RRN3: variants seen among roughly 807,000 people sequenced by gnomAD.
RRN3 encodes the protein RNA polymerase I transcription factor RRN3, also known as RNA polymerase I-specific transcription initiation factor RRN3.
RRN3 carries 38 observed loss-of-function variants against 82.3 expected under a neutral mutation model. That is an observed-to-expected ratio of 0.46 (90% CI 0.36 to 0.61). The LOEUF (loss-of-function observed/expected upper bound fraction) is 0.61, where lower values mean the gene tolerates loss of function less well. Ranked by LOEUF, RRN3 falls within the 20% of genes least tolerant of loss-of-function variation. The pLI is 0.00. For synonymous variants in RRN3, 284 were observed against 284.3 expected, an observed-to-expected ratio of 1.00 and a Z score of 0.01; for missense variants, 726 against 793.1, an observed-to-expected ratio of 0.92 and a Z score of 1.02.
chr16:15,074,621 T>G (rs1309461590), intron 11 of RRN3, 102 bp downstream of exon 11: 10 of 819,260 alleles, frequency 1.2e-5, no homozygotes, highest in Non-Finnish European at 1.8e-5. Flanking sequence ...ATAGATATTT[T>G]TACAGGATTT....
At chr16:15,081,086 A>G (rs919962168) in intron 8 of RRN3, among the ~76,000 whole-genome samples, 1 of 152,200 alleles carries the variant, frequency 6.6e-6, no homozygotes, top group Admixed American at 6.5e-5. Flanking sequence ...GCTGAGTAAT[A>G]TTCCATTGTA....
At chr16:15,080,402 A>G (rs973995734) in intron 8 of RRN3, among the ~76,000 whole-genome samples, 1 of 152,204 alleles carries the variant, frequency 6.6e-6, no homozygotes. Flanking sequence ...TAATATATTC[A>G]GTTATGAGAC....
At chr16:15,086,554 G>A (rs2045923670) in intron 3 of RRN3, 100 bp from the exon 4 acceptor site, 1 of 1,531,898 alleles carries the variant, frequency 6.5e-7, no homozygotes, top group African/African-American at 1.4e-5. Context: ...ATAGGTTGGG[G>A]GGAAAAGGTC....
intron 15 of RRN3, among the ~76,000 whole-genome samples, chr16:15,066,769 A>T (rs1331076186): frequency 2.6e-5 from 4 of 151,594 alleles, no homozygotes; most frequent in African/African-American, 9.7e-5. Flanking sequence ...TCTCAAAAGC[A>T]TCAAGCAGGC....
chr16:15,076,087 C>A (rs1322029924), intron 10 of RRN3, among the ~76,000 whole-genome samples: 2 of 152,104 alleles, frequency 1.3e-5, no homozygotes, highest in Admixed American at 1.3e-4. Flanking sequence ...AAGTGAGACC[C>A]GGCCCCCGTT....
chr16:15,065,881 T>A (rs1353246158), intron 15 of RRN3, among the ~76,000 whole-genome samples: 1 of 152,204 alleles, frequency 6.6e-6, no homozygotes, highest in African/African-American at 2.4e-5. Flanking sequence ...CGGGGTTGAC[T>A]AAGTCATGAC....
In RRN3 at chr16:15,070,240, C is replaced by T. The variant is rs2045163832; in HGVS notation, c.1274G>A (p.Cys425Tyr). The T allele has an allele frequency of 6.2e-7, 1 of 1,611,182 alleles. No individual in the cohort carries two copies. Among genetic ancestry groups the T allele is most frequent in the Non-Finnish European group, 8.5e-7 (1 of 1,179,772 alleles). Residue 425 changes from cysteine (C) to tyrosine (Y), a missense_variant, in exon 14 of 18, where the codon TGC becomes TAC. Transcript: ENST00000198767. ...CAGCCAGTTAACCAAAAGATCTAGG[C>T]ATGATTTTACAGTACTAGAGAAAAG... Reference protein sequence around the residue: ...KFIPLITVKSCLDLLVNWLHI... With the variant: ...KFIPLITVKSYLDLLVNWLHI...
At chr16:15,074,995 A>G in intron 10 of RRN3, 134 bp from the exon 11 acceptor site, 1 of 879,476 alleles carries the variant, frequency 1.1e-6, no homozygotes, top group Non-Finnish European at 1.7e-6. Context: ...CACATCTATA[A>G]GCCCAGCACT....
chr16:15,074,938 G>C (rs2045388185), intron 10 of RRN3, 77 bp from the exon 11 acceptor site: 1 of 1,370,750 alleles, frequency 7.3e-7, no homozygotes, highest in South Asian at 1.4e-5. Flanking sequence ...TGTCATAAGT[G>C]ATTATTTCCC....
At chr16:15,063,807 G>A (rs1318044847) in intron 16 of RRN3, among the ~76,000 whole-genome samples, 4 of 151,656 alleles carry the variant, frequency 2.6e-5, no homozygotes, top group Non-Finnish European at 5.9e-5. Context: ...ATTCACTCAT[G>A]TCGATGGAGT....
chr16:15,073,730 T>C lies in RRN3; in HGVS notation c.998-650A>G, dbSNP rs139913523. Among the ~76,000 whole-genome samples, 57 of 152,340 alleles carry C rather than the reference T, an allele frequency of 3.7e-4. 1 individual carries two copies. In the East Asian group the frequency reaches 0.011, roughly 28 times the overall value. On this transcript the variant is annotated intron_variant, in intron 11 of 17. Coordinates refer to ENST00000198767, the MANE Select transcript of RRN3 (RefSeq NM_018427.5). Reference sequence around the variant, plus strand: ...GTATGTTCATTATAACTGTTACTTATCATGGTGAAAACAGTAAAAGACAGT... The same window carrying C: ...GTATGTTCATTATAACTGTTACTTACCATGGTGAAAACAGTAAAAGACAGT...
intron 13 of RRN3, among the ~76,000 whole-genome samples, 178 bp from the exon 14 acceptor site, chr16:15,070,432 G>A (rs9930661): frequency 0.014 from 2,121 of 151,732 alleles, 40 homozygotes; most frequent in African/African-American, 0.048. Flanking sequence ...GGGTGCGTAG[G>A]AAGACAACCT....
intron 10 of RRN3, among the ~76,000 whole-genome samples, chr16:15,075,250 CAAAAAAA>C (rs56913254): frequency 2.9e-5 from 2 of 68,052 alleles, no homozygotes; most frequent in Non-Finnish European, 6.0e-5. Context: ...TGTGCCCCAC[CAAAAAAA>C]AAAAAAAAAA....
chr16:15,063,782 T>C (rs2044829894), intron 16 of RRN3, among the ~76,000 whole-genome samples: 1 of 151,976 alleles, frequency 6.6e-6, no homozygotes. Flanking sequence ...TGTGGCTCTT[T>C]CTGTATAAGA....
chr16:15,065,647 T>C (rs1257443927), intron 15 of RRN3, among the ~76,000 whole-genome samples: 1 of 152,252 alleles, frequency 6.6e-6, no homozygotes, highest in African/African-American at 2.4e-5. Flanking sequence ...TATTATTCAT[T>C]ATATTTTAAT....
chr16:15,078,422 C>T (rs2151796191), intron 9 of RRN3, among the ~76,000 whole-genome samples: 1 of 152,184 alleles, frequency 6.6e-6, no homozygotes, highest in South Asian at 2.1e-4. Flanking sequence ...ATTCTGCTTC[C>T]CCACCATCCA....
intron 10 of RRN3, among the ~76,000 whole-genome samples, chr16:15,076,036 G>T (rs1037326894): frequency 6.6e-6 from 1 of 152,018 alleles, no homozygotes; most frequent in African/African-American, 2.4e-5. Context: ...ACCAATCCAT[G>T]CCCCAGAATG....
At chr16:15,090,831 G>A (rs1421885759) in intron 3 of RRN3, among the ~76,000 whole-genome samples, 1 of 150,490 alleles carries the variant, frequency 6.6e-6, no homozygotes, top group Non-Finnish European at 1.5e-5. Flanking sequence ...TTTACTACAT[G>A]ATAGGTGTAT....
At position 15,061,354 on chromosome 16, in the gene RRN3, A is replaced by G. The variant is rs2044703298; in HGVS notation, c.*390T>C. ...ACTGAAAGCTCATCAGTCAAGTCCT[A>G]AGACCATGGATCTGACAAAAACCCA... On this transcript the variant is annotated 3_prime_UTR_variant, in exon 18 of 18. Coordinates refer to ENST00000198767, the MANE Select transcript of RRN3 (RefSeq NM_018427.5). 2 of 192,090 alleles carry G rather than the reference A, an allele frequency of 1.0e-5. No homozygotes were observed. The highest frequency in any genetic ancestry group is 2.6e-4 in the East Asian group (2 of 7,712). The allele number at this position is 192,090 out of a possible 1,614,324, so 11.9% of individuals were successfully genotyped here.
Sources: gnomAD v4.1 joint callset for allele counts (sites outside exome capture counted in the v4.1 genomes callset) on GRCh38, gnomAD v4.1.1 for gene constraint, MANE v1.5 for transcripts, NCBI Gene and HGNC (gene_info 2026-07-23, HGNC 2026-07-21) for gene names.